Variants in ITFG1 observed in about 807,000 individuals in gnomAD.
The protein encoded by ITFG1 is integrin alpha FG-GAP repeat containing 1, also known as T-cell immunomodulatory protein.
In ITFG1, 34 loss-of-function variants were observed where a neutral mutation model predicts 81.8. The ratio of observed to expected loss-of-function variants is 0.42; its 90% CI spans 0.32 to 0.55. ITFG1 has a LOEUF of 0.55. Among genes scored for constraint, ITFG1 ranks in the 20% least tolerant of loss-of-function variants. The probability of loss-of-function intolerance (pLI) is 0.17; values close to 1 mark genes in which losing one functional copy is unlikely to be tolerated. For missense variants in ITFG1, 672 were observed against 755.4 expected (o/e 0.89, Z 1.29); for synonymous variants, 285 against 270.6 (o/e 1.05, Z -0.52).
intron 6 of ITFG1, among the ~76,000 whole-genome samples, chr16:47,400,023 C>A (rs1446326779): frequency 2.6e-5 from 4 of 152,192 alleles, no homozygotes; most frequent in African/African-American, 4.8e-5. Flanking sequence ...TGTGTTCTCT[C>A]ATTTGATTCC....
chr16:47,209,646 C>T (rs1416089687), intron 14 of ITFG1, among the ~76,000 whole-genome samples: 2 of 152,138 alleles, frequency 1.3e-5, no homozygotes, highest in East Asian at 1.9e-4. Context: ...AAGTCCTGAA[C>T]GTTTCCATCA....
intron 10 of ITFG1, among the ~76,000 whole-genome samples, chr16:47,274,561 T>C (rs1966377973): frequency 6.6e-6 from 1 of 152,198 alleles, no homozygotes; most frequent in Non-Finnish European, 1.5e-5. Context: ...CAGGTTACTG[T>C]TGGCCTTAGG....
intron 6 of ITFG1, among the ~76,000 whole-genome samples, chr16:47,390,712 G>C (rs1013224538): frequency 6.6e-6 from 1 of 151,986 alleles, no homozygotes; most frequent in Admixed American, 6.6e-5. Flanking sequence ...CGCCCACCTC[G>C]GCCTCTCAAA....
At position 47,259,583 on chromosome 16, in the gene ITFG1, A is replaced by G. The variant is rs1333675746; in HGVS notation, c.1222-843T>C. 2.0e-5 allele frequency among the ~76,000 whole-genome samples: 3 copies of G among 152,350 alleles called. No homozygotes were observed. The East Asian group carries it at 5.8e-4, about 29-fold the overall frequency. ...ATATAATTGAGAATAAGTCTCTTATAAAAAACAAAATAAAATCAAAAATGG... is the reference window on the plus strand; with the variant it reads ...ATATAATTGAGAATAAGTCTCTTATGAAAAACAAAATAAAATCAAAAATGG... On this transcript the variant is annotated intron_variant, in intron 11 of 17. Transcript: ENST00000320640.
intron 10 of ITFG1, among the ~76,000 whole-genome samples, chr16:47,267,340 TAA>T (rs1176156437): frequency 6.6e-6 from 1 of 152,166 alleles, no homozygotes; most frequent in Non-Finnish European, 1.5e-5. Context: ...TCATTTCATA[TAA>T]AAGAGTCAGT....
intron 5 of ITFG1, among the ~76,000 whole-genome samples, chr16:47,435,870 T>G (rs181984406): frequency 2.6e-5 from 4 of 152,156 alleles, no homozygotes; most frequent in African/African-American, 9.6e-5. Context: ...TCAGCACAAA[T>G]AGCTGCAAAA....
intron 8 of ITFG1, among the ~76,000 whole-genome samples, chr16:47,356,792 T>C (rs1201838999): frequency 6.6e-6 from 1 of 151,726 alleles, no homozygotes; most frequent in Non-Finnish European, 1.5e-5. Flanking sequence ...GAGGGGAAAA[T>C]ATGGGGTTGA....
chr16:47,380,048 C>CAAA (rs763213367), intron 6 of ITFG1, among the ~76,000 whole-genome samples: 1,613 of 49,000 alleles, frequency 0.033, 43 homozygotes, highest in African/African-American at 0.097. Flanking sequence ...CTTGGGTAGC[C>CAAA]AAAAAAAAAA....
intron 12 of ITFG1, among the ~76,000 whole-genome samples, chr16:47,245,276 G>A (rs1159133658): frequency 1.3e-5 from 2 of 152,024 alleles, no homozygotes; most frequent in Non-Finnish European, 2.9e-5. Flanking sequence ...TTGAACCCAG[G>A]AGGTGGAGGT....
intron 14 of ITFG1, among the ~76,000 whole-genome samples, chr16:47,184,766 T>C (rs1412053043): frequency 6.6e-6 from 1 of 151,616 alleles, no homozygotes; most frequent in Non-Finnish European, 1.5e-5. Flanking sequence ...AGGACCAAAT[T>C]CACACATAAC....
chr16:47,325,090 A>T (rs1277799247), intron 8 of ITFG1, among the ~76,000 whole-genome samples: 2 of 152,082 alleles, frequency 1.3e-5, no homozygotes, highest in African/African-American at 4.8e-5. Flanking sequence ...GAAGTAAAGC[A>T]CTCCTCAGCA....
chr16:47,384,805 T>C (rs1412501093), intron 6 of ITFG1, among the ~76,000 whole-genome samples: 3 of 152,178 alleles, frequency 2.0e-5, no homozygotes, highest in African/African-American at 7.2e-5. Flanking sequence ...TGGCGGGGCA[T>C]GGTGGCTCAC....
chr16:47,192,985 G>GT, intron 14 of ITFG1, among the ~76,000 whole-genome samples: 1 of 152,120 alleles, frequency 6.6e-6, no homozygotes, highest in Non-Finnish European at 1.5e-5. Flanking sequence ...CTTCTACTCA[G>GT]TAATCTGTGA....
At chr16:47,198,869 CTAAGT>C (rs1216620480) in intron 14 of ITFG1, among the ~76,000 whole-genome samples, 3 of 152,088 alleles carry the variant, frequency 2.0e-5, no homozygotes, top group Non-Finnish European at 2.9e-5. Flanking sequence ...GTGTTTTAAG[CTAAGT>C]TATTACAAAA....
chr16:47,221,396 G>T (rs1965689576), intron 13 of ITFG1, among the ~76,000 whole-genome samples: 1 of 152,070 alleles, frequency 6.6e-6, no homozygotes. Flanking sequence ...TTACTGATTT[G>T]CATATATTGA....
At chr16:47,440,222 C>T (rs1019208493) in intron 5 of ITFG1, among the ~76,000 whole-genome samples, 1 of 152,122 alleles carries the variant, frequency 6.6e-6, no homozygotes, top group African/African-American at 2.4e-5. Context: ...CTTAGACTCC[C>T]ACACAATAAT....
At chr16:47,400,776 A>G (rs1405055012) in intron 6 of ITFG1, among the ~76,000 whole-genome samples, 2 of 152,146 alleles carry the variant, frequency 1.3e-5, no homozygotes, top group East Asian at 3.9e-4. Flanking sequence ...ACAGCATGTA[A>G]GCTCCATGTG....
intron 6 of ITFG1, among the ~76,000 whole-genome samples, chr16:47,401,555 T>C (rs1968662006): frequency 6.6e-6 from 1 of 152,152 alleles, no homozygotes; most frequent in East Asian, 1.9e-4. Flanking sequence ...TAGAGGTTAA[T>C]TAAGAGCCAG....
intron 7 of ITFG1, among the ~76,000 whole-genome samples, chr16:47,369,752 T>C (rs954826390): frequency 2.0e-5 from 3 of 152,038 alleles, no homozygotes; most frequent in African/African-American, 7.2e-5. Flanking sequence ...GATACTTGTA[T>C]AGTGATTGGA....
Sources: gnomAD v4.1 joint callset for allele counts (sites outside exome capture counted in the v4.1 genomes callset) on GRCh38, gnomAD v4.1.1 for gene constraint, MANE v1.5 for transcripts, NCBI Gene and HGNC (gene_info 2026-07-23, HGNC 2026-07-21) for gene names.